NDUFA12: variants seen among roughly 807,000 people sequenced by gnomAD.
NDUFA12 encodes the protein NADH:ubiquinone oxidoreductase subunit A12, also known as NADH dehydrogenase [ubiquinone] 1 alpha subcomplex subunit 12.
A neutral mutation model predicts 20.3 loss-of-function variants in NDUFA12; 17 were observed. The observed-to-expected ratio is 0.84, with a 90% CI of 0.57 to 1.26. The LOEUF is 1.26. Ranked by LOEUF, NDUFA12 falls within the 50% of genes most tolerant of loss-of-function variation. The pLI is 0.00. For synonymous variants in NDUFA12, 72 were observed against 63.6 expected (o/e 1.13, Z -0.63); for missense variants, 191 against 183.7 (o/e 1.04, Z -0.23).
At chr12:94,985,622 A>G in intron 3 of NDUFA12, among the ~76,000 whole-genome samples, 1 of 109,194 alleles carries the variant, frequency 9.2e-6, no homozygotes, top group Non-Finnish European at 1.8e-5. Flanking sequence ...ACAAGACTCC[A>G]TCTCAAAAAA....
chr12:94,971,714 C>T (rs1055483843), intron 3 of NDUFA12, 94 bp from the exon 4 acceptor site: 1 of 1,437,994 alleles, frequency 7.0e-7, no homozygotes, highest in Non-Finnish European at 9.8e-7. Flanking sequence ...TATTTTGTTG[C>T]TTGGGTTCAA....
chr12:94,974,921 A>G (rs1314001592), intron 3 of NDUFA12, among the ~76,000 whole-genome samples: 3 of 152,176 alleles, frequency 2.0e-5, no homozygotes, highest in Non-Finnish European at 4.4e-5. Flanking sequence ...AAATAGTCAG[A>G]AAGAATGAAT....
In NDUFA12 at chr12:95,002,816, T is replaced by C; in HGVS notation, c.92A>G (p.Asn31Ser). 6.2e-7 allele frequency: 1 copy of C among 1,613,250 alleles called. No homozygotes were observed. Among genetic ancestry groups the C allele is most frequent in the Non-Finnish European group, 8.5e-7 (1 of 1,179,220 alleles). The change falls in exon 2 of 4, where the codon AAT becomes AGT. Residue 31 changes from asparagine (N) to serine (S), a missense_variant. By Grantham distance (46) the Asn-to-Ser change is conservative (BLOSUM62 1). Coordinates refer to ENST00000327772, the MANE Select transcript of NDUFA12 (RefSeq NM_018838.5). ...RGYLRVFFRTNDAKVGTLVGE... is the reference protein window; with the variant it reads ...RGYLRVFFRTSDAKVGTLVGE... ...CACTAATGTACCAACCTTCGCATCA[T>C]TTGTCCTGTGAATACCCAAAAGAAA...
chr12:94,984,435 C>A (rs1874342811), intron 3 of NDUFA12, among the ~76,000 whole-genome samples: 1 of 151,986 alleles, frequency 6.6e-6, no homozygotes, highest in South Asian at 2.1e-4. Flanking sequence ...CCAGCTGACG[C>A]AGGAGAATCG....
chr12:94,998,166 A>C (rs1384997529), intron 2 of NDUFA12, among the ~76,000 whole-genome samples: 2 of 152,244 alleles, frequency 1.3e-5, no homozygotes, highest in African/African-American at 4.8e-5. Context: ...CTAGGGATGC[A>C]GGGATGGTTT....
At chr12:94,987,877 A>C (rs1011388103) in intron 3 of NDUFA12, among the ~76,000 whole-genome samples, 3 of 152,084 alleles carry the variant, frequency 2.0e-5, no homozygotes, top group Non-Finnish European at 4.4e-5. Flanking sequence ...AAGCAGGAGA[A>C]AAAATTCCCA....
intron 2 of NDUFA12, among the ~76,000 whole-genome samples, chr12:94,995,569 G>A (rs888478729): frequency 6.6e-6 from 1 of 151,880 alleles, no homozygotes; most frequent in African/African-American, 2.4e-5. Context: ...TCGCTCTGTC[G>A]CCTAGGCTGG....
chr12:94,985,990 C>A (rs998527866), intron 3 of NDUFA12, among the ~76,000 whole-genome samples: 1 of 151,900 alleles, frequency 6.6e-6, no homozygotes, highest in Non-Finnish European at 1.5e-5. Flanking sequence ...GAGGCTGAGG[C>A]AGGAGAATCG....
intron 2 of NDUFA12, among the ~76,000 whole-genome samples, chr12:95,002,390 C>T (rs1270278257): frequency 2.4e-5 from 3 of 124,844 alleles, no homozygotes; most frequent in Non-Finnish European, 4.7e-5. Flanking sequence ...TGCAGTGAGC[C>T]GAGATCGCGC....
At chr12:94,989,496 C>T (rs1173538911) in intron 3 of NDUFA12, among the ~76,000 whole-genome samples, 2 of 152,152 alleles carry the variant, frequency 1.3e-5, no homozygotes, top group African/African-American at 4.8e-5. Context: ...CAGTGTGTCA[C>T]GGTCAACAAA....
chr12:94,995,733 A>T (rs1182793180), intron 2 of NDUFA12, among the ~76,000 whole-genome samples: 1 of 151,940 alleles, frequency 6.6e-6, no homozygotes, highest in Non-Finnish European at 1.5e-5. Context: ...CAGGCCAGAA[A>T]TTTATTTAAA....
At chr12:94,976,128 T>C (rs1476044564) in intron 3 of NDUFA12, among the ~76,000 whole-genome samples, 1 of 152,230 alleles carries the variant, frequency 6.6e-6, no homozygotes, top group African/African-American at 2.4e-5. Flanking sequence ...ATTTATTTAA[T>C]ACTTATAGAT....
intron 3 of NDUFA12, 111 bp from the exon 4 acceptor site, chr12:94,971,731 A>C (rs1873892738): frequency 8.5e-6 from 10 of 1,175,040 alleles, no homozygotes; most frequent in South Asian, 7.4e-5. Context: ...TCAAGCCTCA[A>C]CTCCATCAGT....
intron 2 of NDUFA12, among the ~76,000 whole-genome samples, chr12:94,998,166 A>G (rs1384997529): frequency 1.3e-5 from 2 of 152,244 alleles, no homozygotes; most frequent in Non-Finnish European, 2.9e-5. Context: ...CTAGGGATGC[A>G]GGGATGGTTT....
chr12:94,991,450 C>T (rs1053658448), intron 3 of NDUFA12, among the ~76,000 whole-genome samples: 8 of 151,400 alleles, frequency 5.3e-5, no homozygotes, highest in East Asian at 1.9e-4. Context: ...AGAACTGACC[C>T]GGTGCAGTGG....
At chr12:94,994,380 A>G (rs1592704919) in intron 2 of NDUFA12, 123 bp from the exon 3 acceptor site, 3 of 723,656 alleles carry the variant, frequency 4.1e-6, no homozygotes, top group Non-Finnish European at 6.9e-6. Flanking sequence ...TAAGAGAGCT[A>G]TTGGAGGAAT....
At chr12:94,982,844 A>G (rs1874288560) in intron 3 of NDUFA12, among the ~76,000 whole-genome samples, 1 of 152,158 alleles carries the variant, frequency 6.6e-6, no homozygotes, top group African/African-American at 2.4e-5. Flanking sequence ...AATACTGTTA[A>G]AACAATTTTA....
chr12:94,984,571 A>C (rs1874349070), intron 3 of NDUFA12, among the ~76,000 whole-genome samples: 2 of 151,830 alleles, frequency 1.3e-5, no homozygotes, highest in Admixed American at 1.3e-4. Flanking sequence ...AAACAAACAC[A>C]GGGCTCCTCA....
intron 3 of NDUFA12, among the ~76,000 whole-genome samples, chr12:94,988,319 C>A (rs896021001): frequency 6.6e-6 from 1 of 152,094 alleles, no homozygotes; most frequent in East Asian, 1.9e-4. Flanking sequence ...TTATGTAGGA[C>A]AATGTTCTTG....
Sources: gnomAD v4.1 joint callset for allele counts (sites outside exome capture counted in the v4.1 genomes callset) on GRCh38, gnomAD v4.1.1 for gene constraint, MANE v1.5 for transcripts, NCBI Gene and HGNC (gene_info 2026-07-23, HGNC 2026-07-21) for gene names.